SLC8A1: variants seen among roughly 807,000 people sequenced by gnomAD.
The protein encoded by SLC8A1 is solute carrier family 8 member A1.
Under a neutral mutation model 68.3 loss-of-function variants are expected in SLC8A1, and 18 were observed. The ratio of observed to expected loss-of-function variants is 0.26; its 90% confidence interval spans 0.18 to 0.39. The LOEUF (loss-of-function observed/expected upper bound fraction) is 0.39. Ranked by LOEUF, SLC8A1 falls within the 10% of genes least tolerant of loss-of-function variation. The pLI is 1.00. For missense variants in SLC8A1, 985 were observed against 1,156.7 expected (o/e 0.85, Z 2.15); for synonymous variants, 475 against 415.5 (o/e 1.14, Z -1.74).
At chr2:40,137,133 A>G (rs11674059) in intron 7 of SLC8A1, among the ~76,000 whole-genome samples, 37,945 of 152,098 alleles carry the variant, frequency 0.25, 5,075 homozygotes, top group East Asian at 0.51. Context: ...TGTAATCCAT[A>G]ATTCATATTA....
intron 2 of SLC8A1, among the ~76,000 whole-genome samples, chr2:40,187,183 C>G (rs1255943745): frequency 1.3e-5 from 2 of 152,142 alleles, no homozygotes; most frequent in Admixed American, 1.3e-4. Context: ...ATCCGAAACT[C>G]AAGAACGCAG....
rs1052677240 is a variant in SLC8A1, at chr2:40,387,960, G to C, written c.1808+40513C>G. On this transcript the variant is annotated intron_variant, in intron 2 of 7. Transcript: ENST00000406785. The stretch of plus-strand genomic sequence containing the variant: ...TCAAAAAAAAAAAAAAAAAAAAAAA[G>C]AATTAGTTGAGACTGATGGGCTACT... 2.7e-5 allele frequency among the ~76,000 whole-genome samples: 3 copies of C among 112,770 alleles called. No individual in the cohort carries two copies. In the East Asian group the frequency reaches 7.6e-4, roughly 29 times the overall value. The allele number at this position is 112,770 out of a possible 152,430, so 74.0% of individuals were successfully genotyped here.
At chr2:40,139,438 A>G (rs1162590542) in exon 7 of SLC8A1, 1 of 1,614,192 alleles carries the variant, frequency 6.2e-7, no homozygotes. Flanking sequence ...ACACGACTGC[A>G]GTCACAGAAT....
At chr2:40,270,957 T>C (rs1378430671) in intron 2 of SLC8A1, among the ~76,000 whole-genome samples, 2 of 152,152 alleles carry the variant, frequency 1.3e-5, no homozygotes, top group African/African-American at 4.8e-5. Flanking sequence ...TCACCTTCAC[T>C]GCCACCATCG....
At chr2:40,431,887 C>T (rs1576444579) in intron 1 of SLC8A1, among the ~76,000 whole-genome samples, 1 of 152,072 alleles carries the variant, frequency 6.6e-6, no homozygotes, top group South Asian at 2.1e-4. Context: ...CTGAGAGATC[C>T]CACCATAGAC....
At chr2:40,493,215 A>T (rs1305297605) in intron 1 of SLC8A1, among the ~76,000 whole-genome samples, 1 of 152,026 alleles carries the variant, frequency 6.6e-6, no homozygotes, top group Non-Finnish European at 1.5e-5. Context: ...TGGAATTGGA[A>T]ATCATCATTC....
chr2:40,362,799 A>C (rs964409858), intron 2 of SLC8A1, among the ~76,000 whole-genome samples: 1 of 152,178 alleles, frequency 6.6e-6, no homozygotes, highest in Non-Finnish European at 1.5e-5. Context: ...TGTAAAAACT[A>C]CATCTTTTTG....
chr2:40,410,152 G>A (rs1179493026), intron 2 of SLC8A1, among the ~76,000 whole-genome samples: 1 of 152,036 alleles, frequency 6.6e-6, no homozygotes, highest in African/African-American at 2.4e-5. Context: ...ACTCTTTGAA[G>A]TTTTAGACAA....
intron 2 of SLC8A1, among the ~76,000 whole-genome samples, chr2:40,236,199 G>T (rs995473980): frequency 7.0e-4 from 106 of 151,610 alleles, no homozygotes; most frequent in African/African-American, 2.5e-3. Context: ...TGACAGTGGG[G>T]TGTTAAAGTC....
intron 1 of SLC8A1, among the ~76,000 whole-genome samples, chr2:40,451,626 C>A (rs984538556): frequency 2.6e-5 from 4 of 152,054 alleles, no homozygotes; most frequent in African/African-American, 9.7e-5. Flanking sequence ...CCTCCGGCAG[C>A]CTGCACTGGC....
intron 2 of SLC8A1, among the ~76,000 whole-genome samples, chr2:40,236,984 G>A (rs1008962594): frequency 6.6e-6 from 1 of 151,972 alleles, no homozygotes; most frequent in Non-Finnish European, 1.5e-5. Flanking sequence ...TTAGTCTGAT[G>A]GGCTTCCCTT....
At chr2:40,507,467 T>C (rs1706444847) in intron 1 of SLC8A1, among the ~76,000 whole-genome samples, 1 of 152,218 alleles carries the variant, frequency 6.6e-6, no homozygotes, top group Non-Finnish European at 1.5e-5. Context: ...AGTGATTATT[T>C]ATTAAACTAA....
intron 2 of SLC8A1, among the ~76,000 whole-genome samples, chr2:40,421,068 TCACCACCAC>T (rs551749143): frequency 2.0e-5 from 3 of 151,964 alleles, no homozygotes; most frequent in East Asian, 3.9e-4. Context: ...ATCACCATCA[TCACCACCAC>T]CACCACCAAC....
chr2:40,392,685 C>A (rs774242883), intron 2 of SLC8A1, among the ~76,000 whole-genome samples: 4 of 152,046 alleles, frequency 2.6e-5, no homozygotes, highest in Non-Finnish European at 5.9e-5. Context: ...TTTAAATTGC[C>A]TTCTTCACAT....
intron 2 of SLC8A1, among the ~76,000 whole-genome samples, chr2:40,183,056 A>ATGAT (rs2049935470): frequency 6.6e-6 from 1 of 152,228 alleles, no homozygotes; most frequent in South Asian, 2.1e-4. Flanking sequence ...GGCCAGTGGA[A>ATGAT]TGATAGGCTC....
upstream of SLC8A1, among the ~76,000 whole-genome samples, chr2:40,454,894 G>A (rs547351432): frequency 6.6e-6 from 1 of 152,334 alleles, no homozygotes; most frequent in East Asian, 1.9e-4. Context: ...AAGTGAGGCT[G>A]CTGCAGTCTG....
intron 1 of SLC8A1, among the ~76,000 whole-genome samples, chr2:40,499,194 T>C (rs1432396619): frequency 6.6e-6 from 1 of 152,086 alleles, no homozygotes; most frequent in Non-Finnish European, 1.5e-5. Context: ...AGATACTTTT[T>C]TCAGTTCATC....
intron 1 of SLC8A1, among the ~76,000 whole-genome samples, chr2:40,450,475 T>C (rs765849809): frequency 9.2e-5 from 14 of 152,116 alleles, no homozygotes; most frequent in Non-Finnish European, 1.9e-4. Context: ...AAGTCTCAGA[T>C]TGTGCATGTT....
At chr2:40,148,923 T>C (rs1231243159) in intron 6 of SLC8A1, among the ~76,000 whole-genome samples, 1 of 152,188 alleles carries the variant, frequency 6.6e-6, no homozygotes, top group African/African-American at 2.4e-5. Context: ...ACAATCTTGT[T>C]TGTCTGTCTG....
Sources: allele counts gnomAD v4.1 joint callset (sites outside exome capture counted in the v4.1 genomes callset), GRCh38; gene constraint gnomAD v4.1.1; transcripts MANE v1.5; gene names NCBI Gene and HGNC (gene_info 2026-07-23, HGNC 2026-07-21).